Variants in MIR2052HG observed in about 807,000 individuals in gnomAD.
The protein encoded by MIR2052HG is MIR2052 host gene.
intron 1 of MIR2052HG, among the ~76,000 whole-genome samples, chr8:74,607,995 T>C (rs1432688562): frequency 5.3e-5 from 8 of 152,272 alleles, no homozygotes; most frequent in East Asian, 1.9e-4. Flanking sequence ...GGCATCTTCA[T>C]TGGCAGAAAT....
chr8:74,700,531 C>A (rs1809347837), intron 2 of MIR2052HG, among the ~76,000 whole-genome samples: 1 of 152,080 alleles, frequency 6.6e-6, no homozygotes, highest in South Asian at 2.1e-4. Context: ...ATTTCCCTTA[C>A]AAACACAAGA....
chr8:74,684,395 C>A, intron 2 of MIR2052HG, among the ~76,000 whole-genome samples: 1 of 152,150 alleles, frequency 6.6e-6, no homozygotes, highest in East Asian at 1.9e-4. Context: ...TATCTACTAA[C>A]GTTCCGTTCG....
At chr8:74,699,424 A>G (rs1374910441) in intron 2 of MIR2052HG, among the ~76,000 whole-genome samples, 12 of 151,692 alleles carry the variant, frequency 7.9e-5, no homozygotes, top group Admixed American at 4.6e-4. Context: ...GTGTATATAT[A>G]TATATATATA....
chr8:74,678,204 A>G (rs1809075725), intron 2 of MIR2052HG, among the ~76,000 whole-genome samples: 1 of 152,194 alleles, frequency 6.6e-6, no homozygotes, highest in African/African-American at 2.4e-5. Context: ...TTTACATACC[A>G]GTTATACTAA....
chr8:74,683,334 C>A (rs1299408154), intron 2 of MIR2052HG, among the ~76,000 whole-genome samples: 1 of 151,358 alleles, frequency 6.6e-6, no homozygotes, highest in Admixed American at 6.6e-5. Context: ...TTCATTAAGT[C>A]ACTCTGTATC....
chr8:74,624,459 A>G (rs1808408598), intron 2 of MIR2052HG, among the ~76,000 whole-genome samples: 1 of 152,236 alleles, frequency 6.6e-6, no homozygotes, highest in Non-Finnish European at 1.5e-5. Flanking sequence ...ATTTGCTTAT[A>G]ATCATGTTCT....
chr8:74,654,451 C>T (rs1415728051), intron 2 of MIR2052HG, among the ~76,000 whole-genome samples: 1 of 152,064 alleles, frequency 6.6e-6, no homozygotes, highest in Non-Finnish European at 1.5e-5. Context: ...CGGAACTCCC[C>T]CGTGTTGTGG....
At chr8:74,703,069 A>C (rs1226277012) in intron 3 of MIR2052HG, among the ~76,000 whole-genome samples, 2 of 152,096 alleles carry the variant, frequency 1.3e-5, no homozygotes, top group Non-Finnish European at 2.9e-5. Flanking sequence ...GAAAGATCCT[A>C]GAGTAGCAGA....
intron 2 of MIR2052HG, among the ~76,000 whole-genome samples, chr8:74,685,607 G>C (rs896707526): frequency 1.3e-5 from 2 of 152,030 alleles, no homozygotes; most frequent in East Asian, 1.9e-4. Flanking sequence ...TATAATTTCC[G>C]TCCAGTGTGA....
intron 1 of MIR2052HG, chr8:74,603,117 A>G: frequency 1.6e-6 from 1 of 629,866 alleles, no homozygotes; most frequent in South Asian, 1.9e-5. Flanking sequence ...GAACAGAGAA[A>G]GGAATTAAAA....
At chr8:74,681,066 G>A (rs1163373533) in intron 2 of MIR2052HG, among the ~76,000 whole-genome samples, 1 of 116,718 alleles carries the variant, frequency 8.6e-6, no homozygotes, top group African/African-American at 3.2e-5. Context: ...ACTGTTGTGG[G>A]GTGGGGGGAG....
At chr8:74,630,753 A>C (rs1433654782) in intron 2 of MIR2052HG, among the ~76,000 whole-genome samples, 1 of 152,144 alleles carries the variant, frequency 6.6e-6, no homozygotes, top group African/African-American at 2.4e-5. Flanking sequence ...TTTGCTCTAC[A>C]TTAACAATTC....
intron 2 of MIR2052HG, among the ~76,000 whole-genome samples, chr8:74,660,795 T>C (rs891763747): frequency 1.4e-5 from 2 of 143,688 alleles, no homozygotes; most frequent in Non-Finnish European, 3.0e-5. Context: ...TTTATCTTCC[T>C]AAGAGCCCTG....
intron 2 of MIR2052HG, among the ~76,000 whole-genome samples, chr8:74,698,697 CAT>C (rs891718097): frequency 6.6e-6 from 1 of 151,870 alleles, no homozygotes; most frequent in Admixed American, 6.6e-5. Context: ...GGTGGTTTAA[CAT>C]ATGTTTTCAC....
At chr8:74,653,215 A>G (rs1808771071) in intron 2 of MIR2052HG, among the ~76,000 whole-genome samples, 1 of 152,192 alleles carries the variant, frequency 6.6e-6, no homozygotes, top group Admixed American at 6.5e-5. Flanking sequence ...TCCTCTTATC[A>G]TCACCATGTC....
rs188093161 is a variant in MIR2052HG, at chr8:74,616,740, G to A, written n.216+3800G>A. On this transcript the variant is annotated intron_variant and non_coding_transcript_variant, in intron 2 of 6. Transcript: ENST00000523442. ...CTTGTTTTCTCTGCTTCTTTCCCTC[G>A]TACTCTGTCTTAAACCTACCTGACT... Among the ~76,000 whole-genome samples the A allele has an allele frequency of 4.7e-4, 72 of 151,918 alleles. 1 individual carries two copies. Among genetic ancestry groups the A allele is most frequent in the Middle Eastern group, 6.8e-3 (2 of 294 alleles).
chr8:74,737,159 T>A (rs1809775087), intron 4 of MIR2052HG, among the ~76,000 whole-genome samples: 1 of 152,202 alleles, frequency 6.6e-6, no homozygotes. Context: ...CCCTAGCCTC[T>A]GATTGGTTGC....
chr8:74,754,716 G>A (rs552984156), intron 5 of MIR2052HG, among the ~76,000 whole-genome samples: 82 of 151,314 alleles, frequency 5.4e-4, no homozygotes, highest in African/African-American at 1.9e-3. Flanking sequence ...CTGAAAGTTA[G>A]ACGCAAGGGG....
intron 2 of MIR2052HG, among the ~76,000 whole-genome samples, chr8:74,654,916 C>G (rs1341062236): frequency 6.6e-6 from 1 of 152,018 alleles, no homozygotes; most frequent in African/African-American, 2.4e-5. Flanking sequence ...TGACCAAAAG[C>G]CTGATAGTAA....
Sources: allele counts gnomAD v4.1 joint callset (sites outside exome capture counted in the v4.1 genomes callset), GRCh38; gene constraint gnomAD v4.1.1; transcripts MANE v1.5; gene names NCBI Gene and HGNC (gene_info 2026-07-23, HGNC 2026-07-21).